The following XRCC4 variants were observed in gnomAD, a reference collection of about 807,000 sequenced individuals.
The protein encoded by XRCC4 is DNA repair protein XRCC4.
Under a neutral mutation model 39.1 loss-of-function variants are expected in XRCC4, and 28 were observed. The ratio of observed to expected loss-of-function variants is 0.72; its 90% CI spans 0.53 to 0.98. XRCC4 has a LOEUF of 0.98. Ranked by LOEUF, XRCC4 falls within the 50% of genes least tolerant of loss-of-function variation. The pLI is 0.00. For synonymous variants in XRCC4, 123 were observed against 126.4 expected (o/e 0.97, Z 0.18); for missense variants, 350 against 376.4 (o/e 0.93, Z 0.58).
chr5:83,106,626 A>G (rs1179511226), intron 2 of XRCC4, among the ~76,000 whole-genome samples: 1 of 151,956 alleles, frequency 6.6e-6, no homozygotes, highest in Non-Finnish European at 1.5e-5. Context: ...TTTAACCAGA[A>G]ATGTAAGAAC....
chr5:83,250,703 A>G (rs1753274267), intron 6 of XRCC4, among the ~76,000 whole-genome samples: 1 of 152,214 alleles, frequency 6.6e-6, no homozygotes, highest in African/African-American at 2.4e-5. Context: ...GCTTTTCTTA[A>G]ATCAGTTTGC....
chr5:83,264,294 C>T (rs1044952944), intron 7 of XRCC4, among the ~76,000 whole-genome samples: 1 of 152,066 alleles, frequency 6.6e-6, no homozygotes, highest in African/African-American at 2.4e-5. Context: ...GAGCTCATTT[C>T]CCCACAGTAA....
At chr5:83,101,519 C>CT (rs200460324) in intron 1 of XRCC4, among the ~76,000 whole-genome samples, 2 of 148,348 alleles carry the variant, frequency 1.3e-5, no homozygotes, top group Non-Finnish European at 3.0e-5. Flanking sequence ...GTTTTAATTT[C>CT]TTTTTTTTTT....
At position 83,134,228 on chromosome 5, in the gene XRCC4, G is replaced by A. The variant is rs564799805; in HGVS notation, c.315+23025G>A. On this transcript the variant is annotated intron_variant, in intron 3 of 7. Coordinates refer to ENST00000396027, the MANE Select transcript of XRCC4 (RefSeq NM_003401.5). ...TGCCGGAGTGTCCGGGGTAGGTGCC[G>A]CAAAGTCCCGCGGTGAGTGCCAGTG... is the stretch of plus-strand genomic sequence containing the variant. Among the ~76,000 whole-genome samples the A allele has an allele frequency of 8.5e-5, 13 of 152,216 alleles. No individual in the cohort carries two copies. In the South Asian group the frequency reaches 1.5e-3, roughly 17 times the overall value.
chr5:83,079,686 C>A (rs923016825), intron 1 of XRCC4, among the ~76,000 whole-genome samples: 2 of 152,046 alleles, frequency 1.3e-5, no homozygotes, highest in Non-Finnish European at 2.9e-5. Context: ...TTGCATGCCA[C>A]CATACTTGGC....
intron 3 of XRCC4, among the ~76,000 whole-genome samples, chr5:83,167,732 TC>T (rs1749547407): frequency 6.6e-6 from 1 of 152,158 alleles, no homozygotes; most frequent in African/African-American, 2.4e-5. Flanking sequence ...TAGTGACAAC[TC>T]CTGATACTCT....
chr5:83,119,015 CTAAG>C (rs1177425272), intron 3 of XRCC4, among the ~76,000 whole-genome samples: 2 of 152,158 alleles, frequency 1.3e-5, no homozygotes, highest in African/African-American at 4.8e-5. Context: ...AAAATCCATT[CTAAG>C]TTTCAGACAG....
intron 3 of XRCC4, among the ~76,000 whole-genome samples, chr5:83,134,987 A>C (rs1244190533): frequency 6.6e-6 from 1 of 152,168 alleles, no homozygotes; most frequent in Non-Finnish European, 1.5e-5. Context: ...TGAACAGCTG[A>C]AGGAACAAAC....
In XRCC4 at chr5:83,260,524, T is replaced by C. The variant is rs562639688; in HGVS notation, c.893+1847T>C. ...ATTGGTTTTATGTTGGAGAGCTGCA[T>C]CTTAGGTCTTTTCACTCTATGTGTG... On this transcript the variant is annotated intron_variant, in intron 7 of 7. Coordinates refer to ENST00000396027, the MANE Select transcript of XRCC4 (RefSeq NM_003401.5). Among the ~76,000 whole-genome samples, 44 of 152,208 alleles carry C rather than the reference T, an allele frequency of 2.9e-4. No homozygotes were observed. The South Asian group carries it at 7.9e-3, about 27-fold the overall frequency.
chr5:83,214,852 T>A (rs2386244), intron 6 of XRCC4, among the ~76,000 whole-genome samples: 61,134 of 142,970 alleles, frequency 0.43, 13,617 homozygotes, highest in Middle Eastern at 0.55. Context: ...AAAAAAATAA[T>A]AATAATAAAA....
intron 7 of XRCC4, among the ~76,000 whole-genome samples, chr5:83,260,748 T>A (rs555579589): frequency 5.9e-4 from 90 of 152,230 alleles, no homozygotes; most frequent in African/African-American, 2.0e-3. Context: ...TCCTTTTCTT[T>A]TCCATGTTTA....
chr5:83,159,530 T>G (rs999239224), intron 3 of XRCC4, among the ~76,000 whole-genome samples: 3 of 152,220 alleles, frequency 2.0e-5, no homozygotes, highest in South Asian at 2.1e-4. Flanking sequence ...TATGTGTATA[T>G]GTAAAAGACA....
rs10059324 is a variant in XRCC4 at position 83,249,024 on chromosome 5, T to C, written c.746-9506T>C. On this transcript the variant is annotated intron_variant, in intron 6 of 7. Coordinates refer to ENST00000396027, the MANE Select transcript of XRCC4 (RefSeq NM_003401.5). ...GGTCTGAAAGTGCATTAGTCTATCT[T>C]ACCAAATCTGGATAATATAATCATT... Among the ~76,000 whole-genome samples the C allele has an allele frequency of 3.3e-3, 508 of 152,264 alleles. 1 individual carries two copies. The highest frequency in any genetic ancestry group is 0.012 in the African/African-American group (485 of 41,556).
intron 7 of XRCC4, among the ~76,000 whole-genome samples, chr5:83,282,667 C>T (rs1159289573): frequency 6.6e-6 from 1 of 151,714 alleles, no homozygotes; most frequent in Non-Finnish European, 1.5e-5. Flanking sequence ...ACGGTGAAAC[C>T]CCATCTCTAC....
At chr5:83,281,094 TA>T (rs1754520508) in intron 7 of XRCC4, among the ~76,000 whole-genome samples, 1 of 152,268 alleles carries the variant, frequency 6.6e-6, no homozygotes, top group Non-Finnish European at 1.5e-5. Context: ...AATACTGGTA[TA>T]GTTAGCTATA....
At chr5:83,165,893 T>C (rs1272875329) in intron 3 of XRCC4, among the ~76,000 whole-genome samples, 3 of 150,318 alleles carry the variant, frequency 2.0e-5, no homozygotes, top group African/African-American at 4.9e-5. Flanking sequence ...CTTTCTTTTT[T>C]TTTTTTTTTT....
At chr5:83,104,796 G>A (rs1001617500) in intron 1 of XRCC4, 114 bp from the exon 2 acceptor site, 20 of 903,764 alleles carry the variant, frequency 2.2e-5, no homozygotes, top group Non-Finnish European at 3.3e-5. Context: ...CAGTTTTTTT[G>A]TTTTGCTTAT....
the XRCC4 span, among the ~76,000 whole-genome samples, chr5:83,363,820 A>T: frequency 6.6e-6 from 1 of 152,176 alleles, no homozygotes; most frequent in Non-Finnish European, 1.5e-5. Context: ...CTGCTTTGAC[A>T]TCTTTATTTC....
In XRCC4 at chr5:83,331,845, A is replaced by G. The variant is rs1365368552; in HGVS notation, c.894-21286A>G. 2.6e-5 allele frequency among the ~76,000 whole-genome samples: 4 copies of G among 152,190 alleles called. No individual in the cohort carries two copies. The East Asian group carries it at 5.8e-4, about 22-fold the overall frequency. ...GAAAAAATAAAATAATCGCTTCATC[A>G]TAAGGATAATAGAGCAAAGCAGCAG... On this transcript the variant is annotated intron_variant, in intron 7 of 7. Coordinates refer to ENST00000396027, the MANE Select transcript of XRCC4 (RefSeq NM_003401.5).
Sources: allele counts gnomAD v4.1 joint callset (sites outside exome capture counted in the v4.1 genomes callset), GRCh38; gene constraint gnomAD v4.1.1; transcripts MANE v1.5; gene names NCBI Gene and HGNC (gene_info 2026-07-23, HGNC 2026-07-21).